Variants in PROS1 observed in about 807,000 individuals in gnomAD.
PROS1 encodes the protein protein S.
In PROS1, 29 loss-of-function variants were observed where a neutral mutation model predicts 75.9. The observed-to-expected ratio is 0.38, with a 90% confidence interval of 0.28 to 0.52. The LOEUF (loss-of-function observed/expected upper bound fraction) is 0.52. Ranked by LOEUF, PROS1 falls within the 20% of genes least tolerant of loss-of-function variation. PROS1 has a pLI of 0.83. For synonymous variants in PROS1, 245 were observed against 280.6 expected, an observed-to-expected ratio of 0.87 and a Z score of 1.27; for missense variants, 680 against 810.3, an observed-to-expected ratio of 0.84 and a Z score of 1.95.
chr3:93,945,150 T>G (rs1189677626), intron 1 of PROS1, among the ~76,000 whole-genome samples: 1 of 152,004 alleles, frequency 6.6e-6, no homozygotes, highest in African/African-American at 2.4e-5. Context: ...GCTTGGAAAT[T>G]AAGACAATAG....
intron 1 of PROS1, among the ~76,000 whole-genome samples, chr3:93,951,124 G>A (rs1219407284): frequency 1.3e-5 from 2 of 152,146 alleles, no homozygotes; most frequent in Non-Finnish European, 2.9e-5. Flanking sequence ...TCTGATTGGT[G>A]TACCTGAAAG....
At chr3:93,890,420 G>A (rs1708415430) in intron 10 of PROS1, among the ~76,000 whole-genome samples, 1 of 151,952 alleles carries the variant, frequency 6.6e-6, no homozygotes, top group Non-Finnish European at 1.5e-5. Context: ...TCTCCTTTTT[G>A]CACTTTGAAG....
chr3:93,930,368 T>A (rs1317384186), intron 1 of PROS1, among the ~76,000 whole-genome samples: 1 of 152,142 alleles, frequency 6.6e-6, no homozygotes, highest in Non-Finnish European at 1.5e-5. Flanking sequence ...CAGCAAAAAA[T>A]TTGGACTTTT....
At chr3:93,952,033 A>T (rs1309243864) in intron 1 of PROS1, among the ~76,000 whole-genome samples, 7 of 152,174 alleles carry the variant, frequency 4.6e-5, no homozygotes, top group African/African-American at 1.7e-4. Context: ...AAGAGCTAAC[A>T]ACCCTAAATA....
At chr3:93,954,947 A>T (rs963584746) in intron 1 of PROS1, among the ~76,000 whole-genome samples, 33 of 152,246 alleles carry the variant, frequency 2.2e-4, no homozygotes, top group Non-Finnish European at 4.3e-4. Context: ...AAAAGAAGAC[A>T]TTTATGCAGC....
intron 10 of PROS1, among the ~76,000 whole-genome samples, chr3:93,889,185 T>G (rs1233993221): frequency 6.6e-6 from 1 of 152,220 alleles, no homozygotes; most frequent in Non-Finnish European, 1.5e-5. Flanking sequence ...TAACCACCAT[T>G]ACTCTCTATG....
chr3:93,972,693 A>G (rs904142222), intron 1 of PROS1, among the ~76,000 whole-genome samples: 4 of 151,764 alleles, frequency 2.6e-5, no homozygotes, highest in African/African-American at 9.7e-5. Context: ...ACAAAAAAAA[A>G]AAAAAAATAG....
intron 10 of PROS1, among the ~76,000 whole-genome samples, chr3:93,890,540 T>C (rs1452979508): frequency 6.6e-6 from 1 of 152,212 alleles, no homozygotes; most frequent in Non-Finnish European, 1.5e-5. Context: ...GTCCTATCGA[T>C]ATGTGATGTC....
At chr3:93,953,716 G>A (rs542528197) in intron 1 of PROS1, among the ~76,000 whole-genome samples, 42 of 152,286 alleles carry the variant, frequency 2.8e-4, no homozygotes, top group Non-Finnish European at 4.7e-4. Context: ...AGGGTTGGAA[G>A]TTCTGGCCAG....
intron 9 of PROS1, among the ~76,000 whole-genome samples, chr3:93,894,046 A>G (rs1490633091): frequency 6.6e-6 from 1 of 152,170 alleles, no homozygotes; most frequent in Non-Finnish European, 1.5e-5. Flanking sequence ...AAAGACAAAC[A>G]GGGAAAAGGA....
At chr3:93,921,814 CACTT>C (rs1228659713) in intron 3 of PROS1, among the ~76,000 whole-genome samples, 1 of 152,174 alleles carries the variant, frequency 6.6e-6, no homozygotes, top group East Asian at 1.9e-4. Flanking sequence ...ATGTCAGTCT[CACTT>C]ACTAACCTTT....
At chr3:93,962,277 C>T (rs766614367) in intron 1 of PROS1, among the ~76,000 whole-genome samples, 1 of 151,762 alleles carries the variant, frequency 6.6e-6, no homozygotes, top group Non-Finnish European at 1.5e-5. Flanking sequence ...AATAGACAAC[C>T]CACCGATTTC....
At chr3:93,947,574 CT>C (rs1183026392) in intron 1 of PROS1, among the ~76,000 whole-genome samples, 8 of 149,244 alleles carry the variant, frequency 5.4e-5, no homozygotes, top group South Asian at 2.1e-4. Flanking sequence ...GAGTTATTTT[CT>C]TTTTTTTTTC....
intron 2 of PROS1, 67 bp downstream of exon 2, chr3:93,927,182 GC>G (rs1709030764): frequency 6.4e-7 from 1 of 1,569,346 alleles, no homozygotes; most frequent in Non-Finnish European, 8.8e-7. Flanking sequence ...GGAAGTACAG[GC>G]TGGAAATGTT....
intron 3 of PROS1, among the ~76,000 whole-genome samples, chr3:93,915,730 T>C (rs1185477911): frequency 6.6e-6 from 1 of 152,180 alleles, no homozygotes; most frequent in Non-Finnish European, 1.5e-5. Flanking sequence ...AATCTAATCA[T>C]GACACTTAAG....
chr3:93,968,645 A>G (rs1709824260), intron 1 of PROS1, among the ~76,000 whole-genome samples: 1 of 152,184 alleles, frequency 6.6e-6, no homozygotes, highest in African/African-American at 2.4e-5. Flanking sequence ...CAAGGAATGC[A>G]TTCACTAGGG....
intron 1 of PROS1, among the ~76,000 whole-genome samples, chr3:93,946,097 A>G (rs775097604): frequency 4.6e-5 from 7 of 152,186 alleles, no homozygotes; most frequent in Non-Finnish European, 1.0e-4. Context: ...CCAACTTACA[A>G]GAGATGTGAA....
intron 4 of PROS1, among the ~76,000 whole-genome samples, chr3:93,909,457 G>C (rs1268257326): frequency 7.1e-6 from 1 of 140,876 alleles, no homozygotes. Context: ...AAAAAAAAAC[G>C]TACAAGTAAA....
intron 9 of PROS1, among the ~76,000 whole-genome samples, chr3:93,894,663 A>C (rs1285018946): frequency 6.6e-6 from 1 of 152,154 alleles, no homozygotes; most frequent in Non-Finnish European, 1.5e-5. Flanking sequence ...AAGCATGGTA[A>C]ACAGGAAAAT....
Sources: allele counts gnomAD v4.1 joint callset (sites outside exome capture counted in the v4.1 genomes callset), GRCh38; gene constraint gnomAD v4.1.1; transcripts MANE v1.5; gene names NCBI Gene and HGNC (gene_info 2026-07-23, HGNC 2026-07-21).